Variants in LARP4B observed in about 807,000 individuals in gnomAD.
LARP4B encodes la-related protein 4B.
A neutral mutation model predicts 89.8 loss-of-function variants in LARP4B; 12 were observed. The ratio of observed to expected loss-of-function variants is 0.13; its 90% CI spans 0.09 to 0.22. The LOEUF (loss-of-function observed/expected upper bound fraction) is 0.22. Among genes scored for constraint, LARP4B ranks in the 10% least tolerant of loss-of-function variants. The pLI is 1.00. For synonymous variants in LARP4B, 367 were observed against 363.3 expected (o/e 1.01, Z -0.12); for missense variants, 757 against 947.7 (o/e 0.80, Z 2.64).
At chr10:941,337 G>A in the LARP4B span, among the ~76,000 whole-genome samples, 1 of 138,860 alleles carries the variant, frequency 7.2e-6, no homozygotes, top group Non-Finnish European at 1.6e-5. Flanking sequence ...GTTTTGAGAC[G>A]GAGTTTCACT....
chr10:910,320 T>A (rs773963868), intron 1 of LARP4B, among the ~76,000 whole-genome samples: 1 of 152,202 alleles, frequency 6.6e-6, no homozygotes, highest in Non-Finnish European at 1.5e-5. Flanking sequence ...TTGGCCCAAA[T>A]CAACTCTCTA....
At chr10:838,107 G>A (rs1011319493) in intron 7 of LARP4B, among the ~76,000 whole-genome samples, 1 of 152,162 alleles carries the variant, frequency 6.6e-6, no homozygotes, top group Admixed American at 6.5e-5. Flanking sequence ...AATTAATCTA[G>A]GTGCAGACCT....
chr10:927,754 C>G (rs1837185138), intron 1 of LARP4B, among the ~76,000 whole-genome samples: 1 of 152,196 alleles, frequency 6.6e-6, no homozygotes, highest in South Asian at 2.1e-4. Flanking sequence ...CTTCAGTGTT[C>G]ATGTCTTCTC....
intron 7 of LARP4B, among the ~76,000 whole-genome samples, chr10:839,165 T>C (rs969336338): frequency 6.6e-6 from 1 of 152,232 alleles, no homozygotes; most frequent in Non-Finnish European, 1.5e-5. Context: ...AATTACCCTG[T>C]ATGATACTGT....
rs1308260081 is a variant in LARP4B at position 829,383 on chromosome 10, A to G, written c.1125+2T>C. The G allele has an allele frequency of 6.3e-7, 1 of 1,589,516 alleles. No individual in the cohort carries two copies. ...TAAATTCCTAGTAAAGAAATGACGTACCAAGGGTGGGTCAAGATAGCTGTG... is the reference window on the plus strand; with the variant it reads ...TAAATTCCTAGTAAAGAAATGACGTGCCAAGGGTGGGTCAAGATAGCTGTG... On this transcript the variant is annotated splice_donor_variant, in intron 11 of 17. Transcript: ENST00000316157. LOFTEE classifies it high-confidence loss of function.
chr10:861,990 C>T (rs1243844422), intron 5 of LARP4B, among the ~76,000 whole-genome samples: 2 of 152,114 alleles, frequency 1.3e-5, no homozygotes, highest in Non-Finnish European at 2.9e-5. Context: ...AACATGACTC[C>T]AGTTTATCCC....
intron 5 of LARP4B, among the ~76,000 whole-genome samples, chr10:856,569 A>G (rs1179613121): frequency 6.6e-6 from 1 of 152,212 alleles, no homozygotes; most frequent in African/African-American, 2.4e-5. Flanking sequence ...GACAGAAAAC[A>G]CTGTCCTGGA....
chr10:889,887 A>G (rs924762545), intron 1 of LARP4B, among the ~76,000 whole-genome samples: 3 of 152,174 alleles, frequency 2.0e-5, no homozygotes, highest in African/African-American at 7.2e-5. Flanking sequence ...GGTTGCAGTG[A>G]GCCGAGATCG....
chr10:846,876 G>A (rs1051308809), intron 5 of LARP4B, among the ~76,000 whole-genome samples: 1 of 152,170 alleles, frequency 6.6e-6, no homozygotes. Context: ...AGGGCCAAGG[G>A]ACACAGGCTC....
intron 5 of LARP4B, among the ~76,000 whole-genome samples, chr10:860,127 T>TGGGGGGGGGGGGGGGG (rs60607691): frequency 1.0e-5 from 1 of 96,200 alleles, no homozygotes; most frequent in African/African-American, 4.1e-5. Context: ...TGTGTGGGGG[T>TGGGGGGGGGGGGGGGG]GGGGGGGAGG....
rs545682412 is a variant in LARP4B at position 917,100 on chromosome 10, T to C, written c.-40+14328A>G. ...TAATAAACTGTTGTGTTCATGATGA[T>C]TGCTAACTCTGTATATCAAGCAGAA... On this transcript the variant is annotated intron_variant, in intron 1 of 17. Coordinates refer to ENST00000316157, the MANE Select transcript of LARP4B (RefSeq NM_015155.3). Among the ~76,000 whole-genome samples, 32 of 152,328 alleles carry C rather than the reference T, an allele frequency of 2.1e-4. 1 individual carries two copies. Among genetic ancestry groups the C allele is most frequent in the South Asian group, 8.3e-4 (4 of 4,826 alleles).
At chr10:808,411 G>A (rs545130331), downstream of LARP4B, 1 of 152,340 alleles carries the variant, frequency 6.6e-6, no homozygotes, top group African/African-American at 2.4e-5. Flanking sequence ...AGGGAGCACA[G>A]TTAATCATAC....
At chr10:827,006 G>C (rs1360385982) in intron 11 of LARP4B, among the ~76,000 whole-genome samples, 1 of 152,220 alleles carries the variant, frequency 6.6e-6, no homozygotes, top group African/African-American at 2.4e-5. Context: ...CGGGCGCAGT[G>C]GCTCATGCCT....
At chr10:863,636 C>T (rs983875049) in intron 5 of LARP4B, 107 bp downstream of exon 5, 35 of 1,217,552 alleles carry the variant, frequency 2.9e-5, no homozygotes, top group Non-Finnish European at 3.5e-5. Flanking sequence ...GAATTAAAAG[C>T]AGGCAAAGAA....
At chr10:873,404 G>A in intron 3 of LARP4B, 1 of 985,272 alleles carries the variant, frequency 1.0e-6, no homozygotes, top group East Asian at 1.1e-4. Context: ...CAAGAATGCT[G>A]CGCTGTATTT....
chr10:945,467 A>G, the LARP4B span, among the ~76,000 whole-genome samples: 17 of 151,812 alleles, frequency 1.1e-4, no homozygotes, highest in South Asian at 3.3e-3. Context: ...CGGGTGGATC[A>G]CAAGGTCAGG....
At position 902,033 on chromosome 10, in the gene LARP4B, C is replaced by T. The variant is rs778206344; in HGVS notation, c.-39-16273G>A. Among the ~76,000 whole-genome samples the T allele has an allele frequency of 6.6e-5, 10 of 152,200 alleles. No homozygotes were observed. The East Asian group carries it at 1.5e-3, about 23-fold the overall frequency. ...AAGTCGACACACAAAAAAAGGACAA[C>T]GGTCCCCTCCACCGTTAAAGCCTGT... On this transcript the variant is annotated intron_variant, in intron 1 of 17. Transcript: ENST00000316157.
chr10:951,477 T>C, the LARP4B span, among the ~76,000 whole-genome samples: 4 of 151,514 alleles, frequency 2.6e-5, no homozygotes, highest in Non-Finnish European at 5.9e-5. Flanking sequence ...ACCCATGAGG[T>C]AGAGGTTGCA....
Position 814,685 on chromosome 10 carries a change from C to T in LARP4B, c.1929+57G>A, listed in dbSNP as rs1474140923. 6.4e-7 allele frequency: 1 copy of T among 1,555,746 alleles called. No individual in the cohort carries two copies. The highest frequency in any genetic ancestry group is 8.7e-7 in the Non-Finnish European group (1 of 1,149,290). On this transcript the variant is annotated intron_variant, in intron 17 of 17. Coordinates refer to ENST00000316157, the MANE Select transcript of LARP4B (RefSeq NM_015155.3). This position sits in a 1 kb window ranked among gnomAD's most constrained non-coding sequence, Gnocchi z 4.4. ...GAGCAGGTGCAGGAGTGCGCAGCGT[C>T]TGTTCACACCAGAGCCTCGCGGCTG...
Sources: gnomAD v4.1 joint callset for allele counts (sites outside exome capture counted in the v4.1 genomes callset) on GRCh38, gnomAD v4.1.1 for gene constraint, Gnocchi (gnomAD v3.1) non-coding constraint, MANE v1.5 for transcripts, NCBI Gene and HGNC (gene_info 2026-07-23, HGNC 2026-07-21) for gene names.